The following LNPK variants were observed in gnomAD, a reference collection of about 807,000 sequenced individuals.
LNPK encodes the protein endoplasmic reticulum junction formation protein lunapark.
LNPK carries 29 observed loss-of-function variants against 55.2 expected under a neutral mutation model. The ratio of observed to expected loss-of-function variants is 0.53; its 90% CI spans 0.39 to 0.72. LNPK has a LOEUF of 0.72. Among genes scored for constraint, LNPK ranks in the 30% least tolerant of loss-of-function variants. The pLI, the probability that LNPK is intolerant of heterozygous loss-of-function variation, is 0.00. For synonymous variants in LNPK, 162 were observed against 168.2 expected (o/e 0.96, Z 0.29); for missense variants, 467 against 494.8 (o/e 0.94, Z 0.53).
intron 9 of LNPK, among the ~76,000 whole-genome samples, chr2:175,945,956 C>T (rs902209001): frequency 1.3e-5 from 2 of 152,104 alleles, no homozygotes; most frequent in African/African-American, 4.8e-5. Context: ...TGGTAATACA[C>T]ATTAAATTGA....
chr2:175,988,095 T>C (rs1303743102), intron 4 of LNPK, among the ~76,000 whole-genome samples: 1 of 152,218 alleles, frequency 6.6e-6, no homozygotes, highest in Non-Finnish European at 1.5e-5. Context: ...CAACATTATT[T>C]TGTTACCTCT....
rs376168980 is a variant in LNPK, at chr2:175,929,178, T to G, written c.*789A>C. ...ATACAAACAAGAGCACAAAATTCAC[T>G]TATATATCATCATTTTATACTTATA... On this transcript the variant is annotated 3_prime_UTR_variant, in exon 13 of 13. Coordinates refer to ENST00000272748, the MANE Select transcript of LNPK (RefSeq NM_030650.3). 895 of 965,354 alleles carry G rather than the reference T, an allele frequency of 9.3e-4. 21 individuals carry two copies. The South Asian group carries it at 0.038, about 41-fold the overall frequency. The allele number at this position is 965,354 out of a possible 1,614,324, so 59.8% of individuals were successfully genotyped here.
chr2:175,992,161 C>T (rs1687732765), intron 4 of LNPK, 70 bp downstream of exon 4: 12 of 932,064 alleles, frequency 1.3e-5, no homozygotes, highest in African/African-American at 1.8e-5. Flanking sequence ...ACCGAATATA[C>T]ATATTAGATA....
rs185538515 is a variant in LNPK, at chr2:175,926,869, A to C, written c.*3098T>G. On this transcript the variant is annotated 3_prime_UTR_variant, in exon 13 of 13. Coordinates refer to ENST00000272748, the MANE Select transcript of LNPK (RefSeq NM_030650.3). ...AAACATAAACGGTTTGAATGTTCTG[A>C]AGGTTTGAAGCAAAGTATAGTGTTC... 6.6e-6 allele frequency: 1 copy of C among 152,302 alleles called. No individual in the cohort carries two copies. The highest frequency in any genetic ancestry group is 1.5e-5 in the Non-Finnish European group (1 of 68,024). The allele number at this position is 152,302 out of a possible 1,614,324, so 9.4% of individuals were successfully genotyped here. A position where few individuals can be genotyped will look rare whatever the true frequency, so the allele number is the denominator to read the frequency against.
At chr2:175,958,564 G>A (rs1017489805) in intron 8 of LNPK, among the ~76,000 whole-genome samples, 1 of 152,156 alleles carries the variant, frequency 6.6e-6, no homozygotes, top group Non-Finnish European at 1.5e-5. Flanking sequence ...CCCATCTATA[G>A]GTCACCATCA....
intron 8 of LNPK, among the ~76,000 whole-genome samples, chr2:175,950,338 G>C (rs1223939060): frequency 2.6e-5 from 4 of 152,078 alleles, no homozygotes; most frequent in Non-Finnish European, 5.9e-5. Context: ...GCTAGTGTTT[G>C]ACAGTACAGT....
chr2:175,987,785 CTACT>C (rs1279070729), intron 4 of LNPK, among the ~76,000 whole-genome samples: 1 of 152,002 alleles, frequency 6.6e-6, no homozygotes. Context: ...GAAATTAATG[CTACT>C]TGGAATATTA....
intron 12 of LNPK, among the ~76,000 whole-genome samples, chr2:175,930,914 G>C (rs188227951): frequency 6.6e-6 from 1 of 152,200 alleles, no homozygotes; most frequent in East Asian, 1.9e-4. Context: ...AAGGGTACTA[G>C]TCCCTACATG....
intron 8 of LNPK, among the ~76,000 whole-genome samples, chr2:175,951,376 C>A (rs1371327109): frequency 5.3e-5 from 8 of 151,684 alleles, no homozygotes. Context: ...CCCTTCCCGC[C>A]CTTTCCCCTG....
chr2:175,963,249 T>C (rs548623409), intron 8 of LNPK, among the ~76,000 whole-genome samples: 84 of 152,282 alleles, frequency 5.5e-4, no homozygotes, highest in Non-Finnish European at 1.1e-3. Context: ...TAAAGACACA[T>C]GCAGATGTAT....
At chr2:175,953,622 A>C (rs1280344046) in intron 8 of LNPK, among the ~76,000 whole-genome samples, 1 of 151,694 alleles carries the variant, frequency 6.6e-6, no homozygotes, top group African/African-American at 2.4e-5. Context: ...CTCCTGAATT[A>C]TCTCTCAAAT....
At chr2:175,964,860 T>C (rs1211908711) in intron 6 of LNPK, among the ~76,000 whole-genome samples, 1 of 152,134 alleles carries the variant, frequency 6.6e-6, no homozygotes, top group Non-Finnish European at 1.5e-5. Context: ...ACTTCAATAA[T>C]GGAATGTGCA....
intron 1 of LNPK, among the ~76,000 whole-genome samples, chr2:175,996,375 T>C (rs1687931803): frequency 6.6e-6 from 1 of 152,218 alleles, no homozygotes. Context: ...TGTTTTACAA[T>C]GTTTAGAATA....
At chr2:175,950,757 CTTG>C (rs1240351796) in intron 8 of LNPK, among the ~76,000 whole-genome samples, 1 of 152,008 alleles carries the variant, frequency 6.6e-6, no homozygotes, top group East Asian at 1.9e-4. Flanking sequence ...ACCTCTTATG[CTTG>C]TTGTAAAGAT....
intron 1 of LNPK, among the ~76,000 whole-genome samples, chr2:176,001,365 A>T (rs188564777): frequency 6.1e-4 from 93 of 152,294 alleles, no homozygotes; most frequent in Middle Eastern, 3.4e-3. Flanking sequence ...AACTGGGAAA[A>T]GCAGAACACG....
chr2:175,943,141 G>A (rs1415686154), intron 9 of LNPK, among the ~76,000 whole-genome samples: 1 of 149,772 alleles, frequency 6.7e-6, no homozygotes, highest in African/African-American at 2.5e-5. Context: ...TTAAAATTTT[G>A]TTAGGAATTT....
At chr2:175,985,196 C>T (rs760970072) in intron 4 of LNPK, among the ~76,000 whole-genome samples, 2 of 152,050 alleles carry the variant, frequency 1.3e-5, no homozygotes, top group Admixed American at 6.5e-5. Flanking sequence ...GTTAGGAATG[C>T]GGAAAGTGGA....
intron 5 of LNPK, among the ~76,000 whole-genome samples, chr2:175,975,713 A>G (rs1686877891): frequency 6.6e-6 from 1 of 152,218 alleles, no homozygotes; most frequent in African/African-American, 2.4e-5. Context: ...TTATAAATTA[A>G]GAAACTGTAA....
chr2:175,939,760 G>A (rs1684728037), intron 9 of LNPK, 103 bp from the exon 10 acceptor site: 1 of 519,306 alleles, frequency 1.9e-6, no homozygotes, highest in Non-Finnish European at 3.3e-6. Flanking sequence ...ATTTTAAAAG[G>A]TTTTAACAAA....
Sources: allele counts gnomAD v4.1 joint callset (sites outside exome capture counted in the v4.1 genomes callset), GRCh38; gene constraint gnomAD v4.1.1; transcripts MANE v1.5; gene names NCBI Gene and HGNC (gene_info 2026-07-23, HGNC 2026-07-21).